The following KCP variants were observed in gnomAD, a reference collection of about 807,000 sequenced individuals.
The protein encoded by KCP is kielin cysteine rich BMP regulator.
In KCP, 194 loss-of-function variants were observed where a neutral mutation model predicts 212.7. The observed-to-expected ratio is 0.91, with a 90% confidence interval of 0.81 to 1.03. KCP has a LOEUF of 1.03. KCP is among the 50% of genes least tolerant of loss of function. The pLI, the probability that KCP is intolerant of heterozygous loss-of-function variation, is 0.00. For missense variants in KCP, 2,080 were observed against 2,162.5 expected, an observed-to-expected ratio of 0.96 and a Z score of 0.76; for synonymous variants, 833 against 865.3, an observed-to-expected ratio of 0.96 and a Z score of 0.65.
At position 128,908,307 on chromosome 7, in the gene KCP, G is replaced by T. The variant is rs139222706; in HGVS notation, c.219+119C>A. On this transcript the variant is annotated intron_variant, in intron 2 of 39. Coordinates refer to ENST00000610776, the MANE Select transcript of KCP (RefSeq NM_001366122.1). ...GAAAGAAAGAAAGAAAGAAAGAAAG[G>T]GAATTGTTCAGATAAGAGCTCTATT... The T allele has an allele frequency of 8.5e-4, 338 of 396,898 alleles. 1 individual carries two copies. The African/African-American group carries it at 0.011, about 13-fold the overall frequency. 24.6% of individuals were successfully genotyped at this position (396,898 alleles called of 1,614,324 possible).
intron 8 of KCP, among the ~76,000 whole-genome samples, chr7:128,899,873 A>AAGGAATCATGATTCCTTAAGGAATCAG (rs1794749099): frequency 1.5e-5 from 2 of 131,368 alleles, no homozygotes; most frequent in African/African-American, 8.5e-5. Flanking sequence ...TAAGGAATCA[A>AAGGAATCATGATTCCTTAAGGAATCAG]ATTTGACTTG....
In KCP at chr7:128,878,613, T is replaced by TG; in HGVS notation, c.4255dup (p.Gln1419ProfsTer4). 6.4e-7 allele frequency: 1 copy of TG among 1,551,534 alleles called. No individual in the cohort carries two copies. The highest frequency in any genetic ancestry group is 1.4e-5 in the African/African-American group (1 of 73,166). Reference sequence around the variant, plus strand: ...GGGCAGGAGCAGCCCCTCAGGGCCCTGCAGATCGTCCTGGGCAAAGCCATT... The same window carrying TG: ...GGGCAGGAGCAGCCCCTCAGGGCCCTGGCAGATCGTCCTGGGCAAAGCCATT... On this transcript the variant is annotated frameshift_variant, in exon 38 of 40. Transcript: ENST00000610776. LOFTEE classifies it high-confidence loss of function.
intron 28 of KCP, among the ~76,000 whole-genome samples, 194 bp downstream of exon 28, chr7:128,884,587 G>A (rs1793529325): frequency 6.6e-6 from 1 of 152,194 alleles, no homozygotes; most frequent in Admixed American, 6.5e-5. Flanking sequence ...CTTGGAACCT[G>A]CGCTCCTTGT....
chr7:128,907,621 G>T (rs1404687603), intron 2 of KCP, among the ~76,000 whole-genome samples, 168 bp from the exon 3 acceptor site: 1 of 152,086 alleles, frequency 6.6e-6, no homozygotes, highest in African/African-American at 2.4e-5. Context: ...CCATTCTCAG[G>T]GGGGCACGGG....
chr7:128,893,810 G>A lies in KCP; in HGVS notation c.1095C>T (p.Cys365=), dbSNP rs750271249. ...GAGACCCCGGCCCCCACTCACCATC[G>A]CAGACAGGGCAGCACTGCCCAGGGA... ...GKIPGQCCPV[C]DGCEYQGHQY... The change falls in exon 11 of 40, where the codon TGC becomes TGT. Residue 365 remains cysteine, a synonymous_variant. Coordinates refer to ENST00000610776, the MANE Select transcript of KCP (RefSeq NM_001366122.1). 7 of 1,550,458 alleles carry A rather than the reference G, an allele frequency of 4.5e-6. No individual in the cohort carries two copies. The South Asian group carries it at 8.3e-5, about 18-fold the overall frequency.
chr7:128,888,633 GACAC>G (rs1427936878), intron 22 of KCP, among the ~76,000 whole-genome samples: 1 of 136,368 alleles, frequency 7.3e-6, no homozygotes, highest in Non-Finnish European at 1.6e-5. Context: ...CACACATACA[GACAC>G]ACACACATAC....
intron 38 of KCP, among the ~76,000 whole-genome samples, chr7:128,878,055 C>CTTT (rs34574520): frequency 2.2e-4 from 29 of 131,764 alleles, no homozygotes; most frequent in African/African-American, 7.3e-4. Context: ...AACAAGCCTT[C>CTTT]TTTTTTTTTT....
At chr7:128,880,170 C>T (rs1793239927) in intron 34 of KCP, 85 bp from the exon 35 acceptor site, 1 of 1,396,540 alleles carries the variant, frequency 7.2e-7, no homozygotes, top group Non-Finnish European at 9.6e-7. Context: ...AAGCATCTCC[C>T]AGGAGTCTCC....
chr7:128,901,387 G>A, intron 8 of KCP, among the ~76,000 whole-genome samples: 1 of 152,212 alleles, frequency 6.6e-6, no homozygotes, highest in Non-Finnish European at 1.5e-5. Context: ...AGCACTGTGG[G>A]AGGCAGAGGG....
At chr7:128,893,151 G>T in intron 13 of KCP, 87 bp downstream of exon 13, 1 of 1,353,406 alleles carries the variant, frequency 7.4e-7, no homozygotes, top group Non-Finnish European at 1.0e-6. Flanking sequence ...TTAGCAACCC[G>T]TACCCCGTCC....
chr7:128,891,244 A>C lies in KCP; in HGVS notation c.1913T>G (p.Val638Gly). ...GNVQCLARRC[V>G]PLPCPEPVLL... ...GACAGGCTCTGGACAGGGCAGCGGC[A>C]CGCAGCGGCGGGCCAGGCACTGCAC... Residue 638 changes from valine to glycine, a missense_variant, in exon 19 of 40, where the codon GTG becomes GGG. Val to Gly is a moderately radical substitution (Grantham distance 109). Transcript: ENST00000610776. The C allele has an allele frequency of 6.5e-7, 1 of 1,547,266 alleles. No individual in the cohort carries two copies. The highest frequency in any genetic ancestry group is 8.7e-7 in the Non-Finnish European group (1 of 1,146,686).
chr7:128,903,617 C>G, intron 7 of KCP, 110 bp downstream of exon 7: 2 of 824,892 alleles, frequency 2.4e-6, no homozygotes, highest in Non-Finnish European at 3.8e-6. Flanking sequence ...GGCATTCCAG[C>G]TCCGCCACGG....
intron 29 of KCP, among the ~76,000 whole-genome samples, chr7:128,883,070 A>C (rs1262217585): frequency 6.6e-6 from 1 of 152,158 alleles, no homozygotes; most frequent in Non-Finnish European, 1.5e-5. Context: ...GTCTCAAAAA[A>C]ACCAAAACCC....
Position 128,877,292 on chromosome 7 carries a change from C to T in KCP, c.4638G>A (p.Glu1546=). ...PTLCVVGCPL[E]RGFVFDECGP... ...CGCACTCATCAAACACGAAGCCACG[C>T]TCCAGGGGGCAGCCTACCACTGCAG... The change falls in exon 40 of 40, where the codon GAG becomes GAA. Residue 1546 remains glutamate, a synonymous_variant. Coordinates refer to ENST00000610776, the MANE Select transcript of KCP (RefSeq NM_001366122.1). The T allele has an allele frequency of 6.6e-7, 1 of 1,515,590 alleles. No homozygotes were observed. The highest frequency in any genetic ancestry group is 1.3e-5 in the South Asian group (1 of 78,670). 93.9% of individuals were successfully genotyped at this position (1,515,590 alleles called of 1,614,324 possible).
intron 26 of KCP, 45 bp from the exon 27 acceptor site, chr7:128,885,315 G>A (rs1793583277): frequency 1.3e-6 from 2 of 1,502,984 alleles, no homozygotes; most frequent in Admixed American, 2.0e-5. Context: ...GTTGAGATCT[G>A]GACATCTGCT....
chr7:128,878,424 C>T (rs1793117880), intron 38 of KCP, 134 bp downstream of exon 38: 1 of 999,006 alleles, frequency 1.0e-6, no homozygotes, highest in Non-Finnish European at 1.4e-6. Context: ...GCCCCCACAC[C>T]TCCCTGAAAG....
Position 128,890,950 on chromosome 7 carries a change from G to T in KCP, c.2119C>A (p.Pro707Thr), listed in dbSNP as rs1794078650. 5.6e-6 allele frequency: 7 copies of T among 1,255,506 alleles called. No homozygotes were observed. The highest frequency in any genetic ancestry group is 6.5e-5 in the East Asian group (2 of 30,946). 77.8% of individuals were successfully genotyped at this position (1,255,506 alleles called of 1,614,324 possible). A position where few individuals can be genotyped will look rare whatever the true frequency, so the allele number is the denominator to read the frequency against. The change falls in exon 20 of 40, where the codon CCC becomes ACC. Residue 707 changes from proline (P) to threonine (T), a missense_variant. By Grantham distance (38) the Pro-to-Thr change is conservative. Transcript: ENST00000610776. ...SCQRLPCPPA[P>T]CAHPRQGPCC... ...GGCCCCTGGCGCGGGTGCGCGCAGGGCGCGGGCGGGCAGGGCAGCCGCTGG... is the reference window on the plus strand; with the variant it reads ...GGCCCCTGGCGCGGGTGCGCGCAGGTCGCGGGCGGGCAGGGCAGCCGCTGG...
chr7:128,908,139 AAAAG>A (rs1457112351), intron 2 of KCP, among the ~76,000 whole-genome samples: 4 of 137,018 alleles, frequency 2.9e-5, no homozygotes, highest in African/African-American at 6.2e-5. Context: ...AAAAAAAAAA[AAAAG>A]AAAGAGAGAG....
Position 128,879,287 on chromosome 7 carries a change from G to A in KCP, c.4146+235C>T, listed in dbSNP as rs945290180. 2.6e-5 allele frequency: 14 copies of A among 543,026 alleles called. No homozygotes were observed. In the Admixed American group the frequency reaches 3.8e-4, roughly 15 times the overall value. 33.6% of individuals were successfully genotyped at this position (543,026 alleles called of 1,614,324 possible). A position where few individuals can be genotyped will look rare whatever the true frequency, so the allele number is the denominator to read the frequency against. On this transcript the variant is annotated intron_variant, in intron 37 of 39. Coordinates refer to ENST00000610776, the MANE Select transcript of KCP (RefSeq NM_001366122.1). ...AATCTGTGGCCCAGAGGAGGCTGGT[G>A]GTGGCTTAAGAGGCTGAGCCGAGAT...
Sources: gnomAD v4.1 joint callset for allele counts (sites outside exome capture counted in the v4.1 genomes callset) on GRCh38, gnomAD v4.1.1 for gene constraint, MANE v1.5 for transcripts, NCBI Gene and HGNC (gene_info 2026-07-23, HGNC 2026-07-21) for gene names.